Variants in OR10K2 observed in about 807,000 individuals in gnomAD.
OR10K2 encodes olfactory receptor 10K2.
For synonymous variants in OR10K2, 169 were observed against 146.4 expected (o/e 1.15, Z -1.11); for missense variants, 401 against 367.1 (o/e 1.09, Z -0.76).
In OR10K2 at chr1:158,419,896, G is replaced by C; in HGVS notation, c.*32C>G. 6.3e-7 allele frequency: 1 copy of C among 1,576,212 alleles called. No homozygotes were observed. The highest frequency in any genetic ancestry group is 1.2e-5 in the South Asian group (1 of 84,572). On this transcript the variant is annotated 3_prime_UTR_variant, in exon 2 of 2. Coordinates refer to ENST00000641042, the MANE Select transcript of OR10K2 (RefSeq NM_001004476.2). The stretch of plus-strand genomic sequence containing the variant: ...CAAAATGCTGGGATTACAGTCGTGA[G>C]AAACTGCACCTGGCCAGAATCAAGA...
intron 1 of OR10K2, among the ~76,000 whole-genome samples, chr1:158,421,884 C>T (rs1244444049): frequency 1.3e-5 from 2 of 151,996 alleles, no homozygotes; most frequent in African/African-American, 4.8e-5. Flanking sequence ...TCACTATTGC[C>T]CAAATATGTT....
chr1:158,420,965 C>T (rs1484243553), intron 1 of OR10K2, 38 bp from the exon 2 acceptor site: 9 of 1,069,706 alleles, frequency 8.4e-6, no homozygotes, highest in Non-Finnish European at 1.1e-5. Context: ...TGATCATCAG[C>T]ATGCGTTCTC....
Position 158,420,792 on chromosome 1 carries a change from C to T in OR10K2, c.75G>A (p.Gln25=), listed in dbSNP as rs1655139981. The T allele has an allele frequency of 1.9e-6, 3 of 1,613,550 alleles. No homozygotes were observed. The highest frequency in any genetic ancestry group is 2.7e-5 in the African/African-American group (2 of 74,874). The change falls in exon 2 of 2, where the codon CAG becomes CAA. Residue 25 remains glutamine, a synonymous_variant. Coordinates refer to ENST00000641042, the MANE Select transcript of OR10K2 (RefSeq NM_001004476.2). Reference sequence around the variant, plus strand: ...GGAGCAGGAAGATAACAAAGAGCAGCTGCTGCAGCCTGGCCAGGGATGAGA... The same window carrying T: ...GGAGCAGGAAGATAACAAAGAGCAGTTGCTGCAGCCTGGCCAGGGATGAGA... ...LGFSSLARLQ[Q]LLFVIFLLLY...
At position 158,420,451 on chromosome 1, in the gene OR10K2, C is replaced by G; in HGVS notation, c.416G>C (p.Gly139Ala). ...AGCAGCCACTAGTCCCATACACACC[C>G]CATGTCCCATTAGCACTGAGTAGCG... The part of the protein sequence containing the change: ...PLRYSVLMGH[G>A]VCMGLVAAAC... Residue 139 changes from glycine to alanine, a missense_variant, in exon 2 of 2, where the codon GGG becomes GCG. Coordinates refer to ENST00000641042, the MANE Select transcript of OR10K2 (RefSeq NM_001004476.2). 1 of 1,613,928 alleles carries G rather than the reference C, an allele frequency of 6.2e-7. No individual in the cohort carries two copies. The highest frequency in any genetic ancestry group is 8.5e-7 in the Non-Finnish European group (1 of 1,179,902).
At chr1:158,425,465 C>G (rs146044366) in intron 1 of OR10K2, among the ~76,000 whole-genome samples, 229 of 152,200 alleles carry the variant, frequency 1.5e-3, no homozygotes, top group Non-Finnish European at 2.7e-3. Flanking sequence ...GCAGCAGTTA[C>G]TTACGGTGTT....
At chr1:158,423,467 A>C (rs553901510) in intron 1 of OR10K2, among the ~76,000 whole-genome samples, 18 of 151,962 alleles carry the variant, frequency 1.2e-4, no homozygotes, top group South Asian at 4.1e-4. Context: ...ACCTTAATAA[A>C]TTCTCTAAGG....
rs775588847 is a variant in OR10K2 at position 158,420,433 on chromosome 1, A to G, written c.434T>C (p.Val145Ala). 9 of 1,613,822 alleles carry G rather than the reference A, an allele frequency of 5.6e-6. No homozygotes were observed. The African/African-American group carries it at 6.7e-5, about 12-fold the overall frequency. Reference sequence around the variant, plus strand: ...GAAGCCACAGGCACAGGCAGCAGCCACTAGTCCCATACACACCCCATGTCC... The same window carrying G: ...GAAGCCACAGGCACAGGCAGCAGCCGCTAGTCCCATACACACCCCATGTCC... ...LMGHGVCMGLVAAACACGFTV... is the reference protein window; with the variant it reads ...LMGHGVCMGLAAAACACGFTV... The change falls in exon 2 of 2, where the codon GTG (valine) becomes GCG (alanine). Residue 145 changes from valine (V) to alanine (A), a missense_variant. Val to Ala is a moderately conservative substitution (Grantham distance 64). Transcript: ENST00000641042.
At chr1:158,425,514 C>T (rs1655235468) in intron 1 of OR10K2, among the ~76,000 whole-genome samples, 1 of 151,930 alleles carries the variant, frequency 6.6e-6, no homozygotes, top group Non-Finnish European at 1.5e-5. Flanking sequence ...GTGTTTTTGC[C>T]TGTTTCTGTT....
rs573621757 is a variant in OR10K2 at position 158,425,061 on chromosome 1, C to T, written c.-62+872G>A. ...TGGAATTGAAAAGGGGCAGAGAGCACTGCTAGTTTTGAGAAGAACATACCT... is the reference window on the plus strand; with the variant it reads ...TGGAATTGAAAAGGGGCAGAGAGCATTGCTAGTTTTGAGAAGAACATACCT... On this transcript the variant is annotated intron_variant, in intron 1 of 1. Coordinates refer to ENST00000641042, the MANE Select transcript of OR10K2 (RefSeq NM_001004476.2). Among the ~76,000 whole-genome samples, 6 of 152,154 alleles carry T rather than the reference C, an allele frequency of 3.9e-5. No individual in the cohort carries two copies. In the East Asian group the frequency reaches 9.6e-4, roughly 24 times the overall value.
intron 1 of OR10K2, among the ~76,000 whole-genome samples, chr1:158,424,820 C>T (rs1557862133): frequency 6.6e-6 from 1 of 151,676 alleles, no homozygotes; most frequent in South Asian, 2.1e-4. Context: ...AAGGAAAAGA[C>T]TTCTGCTACA....
rs1292665983 is a variant in OR10K2 at position 158,420,127 on chromosome 1, A to T, written c.740T>A (p.Ile247Asn). ...GGCACAGCCATAGTGGACAGTGACA[A>T]TAATGAGGTGAGATACACAGGTAGA... is the stretch of plus-strand genomic sequence containing the variant. ...AFSTCVSHLI[I>N]VTVHYGCASF... Residue 247 changes from isoleucine (I) to asparagine (N), a missense_variant, in exon 2 of 2, where the codon ATT becomes AAT. Physicochemically the swap from Ile to Asn is moderately radical, Grantham distance 149 (BLOSUM62 -3). Coordinates refer to ENST00000641042, the MANE Select transcript of OR10K2 (RefSeq NM_001004476.2). 1 of 1,613,754 alleles carries T rather than the reference A, an allele frequency of 6.2e-7. No individual in the cohort carries two copies. Among genetic ancestry groups the T allele is most frequent in the Non-Finnish European group, 8.5e-7 (1 of 1,179,852 alleles).
chr1:158,420,205 A>G lies in OR10K2; in HGVS notation c.662T>C (p.Ile221Thr), dbSNP rs767951566. ...AGGAAACTGAAGTATGGCAGAGAGG[A>G]TGTGAACATAGGACACCAAGATCAA... Reference protein sequence around the residue: ...LLLILVSYVHILSAILQFPST... With the variant: ...LLLILVSYVHTLSAILQFPST... Residue 221 changes from isoleucine (I) to threonine (T), a missense_variant, in exon 2 of 2, where the codon ATC (isoleucine) becomes ACC (threonine). Physicochemically the swap from Ile to Thr is moderately conservative, Grantham distance 89. Transcript: ENST00000641042. 2.5e-6 allele frequency: 4 copies of G among 1,613,794 alleles called. No homozygotes were observed. The South Asian group carries it at 4.4e-5, about 18-fold the overall frequency.
chr1:158,425,504 G>A (rs1045355854), intron 1 of OR10K2, among the ~76,000 whole-genome samples: 1 of 152,026 alleles, frequency 6.6e-6, no homozygotes, highest in Non-Finnish European at 1.5e-5. Context: ...CCTTGTGCTA[G>A]TGTTTTTGCC....
At chr1:158,424,788 T>C (rs1282353966) in intron 1 of OR10K2, among the ~76,000 whole-genome samples, 1 of 142,806 alleles carries the variant, frequency 7.0e-6, no homozygotes, top group Non-Finnish European at 1.5e-5. Flanking sequence ...TTCAACACTC[T>C]CCTTCCAGAT....
In OR10K2 at chr1:158,420,436, A is replaced by C. The variant is rs1655128868; in HGVS notation, c.431T>G (p.Leu144Arg). ...GCCACAGGCACAGGCAGCAGCCACTAGTCCCATACACACCCCATGTCCCAT... is the reference window on the plus strand; with the variant it reads ...GCCACAGGCACAGGCAGCAGCCACTCGTCCCATACACACCCCATGTCCCAT... ...VLMGHGVCMG[L>R]VAAACACGFT... is the part of the protein sequence containing the mutation. The change falls in exon 2 of 2, where the codon CTA (leucine) becomes CGA (arginine). Residue 144 changes from leucine to arginine, a missense_variant. Coordinates refer to ENST00000641042, the MANE Select transcript of OR10K2 (RefSeq NM_001004476.2). 7 of 1,613,938 alleles carry C rather than the reference A, an allele frequency of 4.3e-6. No individual in the cohort carries two copies. Among genetic ancestry groups the C allele is most frequent in the Non-Finnish European group, 5.9e-6 (7 of 1,179,918 alleles).
intron 1 of OR10K2, among the ~76,000 whole-genome samples, chr1:158,424,857 T>A (rs1655221575): frequency 6.6e-6 from 1 of 152,008 alleles, no homozygotes; most frequent in Non-Finnish European, 1.5e-5. Context: ...AGTTTTCAAC[T>A]TTGCTATGTA....
intron 1 of OR10K2, 90 bp downstream of exon 1, chr1:158,425,843 T>C (rs750897564): frequency 3.9e-5 from 6 of 152,116 alleles, no homozygotes; most frequent in African/African-American, 7.2e-5. Context: ...ATAATCCTGA[T>C]TAACATTATT....
chr1:158,421,571 C>T (rs1327748178), intron 1 of OR10K2, among the ~76,000 whole-genome samples: 1 of 152,066 alleles, frequency 6.6e-6, no homozygotes, highest in African/African-American at 2.4e-5. Context: ...AGAGTCTTTC[C>T]TCTGGCAGGG....
chr1:158,424,737 CTGTGTGTGTG>C (rs146971622), intron 1 of OR10K2, among the ~76,000 whole-genome samples: 8 of 149,470 alleles, frequency 5.4e-5, no homozygotes, highest in Non-Finnish European at 8.9e-5. Flanking sequence ...ACAGTACAAT[CTGTGTGTGTG>C]TGTGTGTGTG....
Sources: gnomAD v4.1 joint callset for allele counts (sites outside exome capture counted in the v4.1 genomes callset) on GRCh38, gnomAD v4.1.1 for gene constraint, MANE v1.5 for transcripts, NCBI Gene and HGNC (gene_info 2026-07-23, HGNC 2026-07-21) for gene names.